NIPBL: variants seen among roughly 807,000 people sequenced by gnomAD.
The protein encoded by NIPBL is NIPBL cohesin loading factor, also known as nipped-B-like protein.
Under a neutral mutation model 321.8 loss-of-function variants are expected in NIPBL, and 19 were observed. The ratio of observed to expected loss-of-function variants is 0.06; its 90% CI spans 0.04 to 0.09. The LOEUF (loss-of-function observed/expected upper bound fraction) is 0.09, where lower values mean the gene tolerates loss of function less well. Among genes scored for constraint, NIPBL ranks in the 10% least tolerant of loss-of-function variants. The pLI, the probability that NIPBL is intolerant of heterozygous loss-of-function variation, is 1.00. For synonymous variants in NIPBL, 1,106 were observed against 1,114.1 expected, an observed-to-expected ratio of 0.99 and a Z score of 0.14; for missense variants, 2,210 against 3,327.0, an observed-to-expected ratio of 0.66 and a Z score of 8.26.
intron 6 of NIPBL, among the ~76,000 whole-genome samples, chr5:36,968,438 A>G (rs159749): frequency 0.57 from 86,112 of 151,792 alleles, 26,442 homozygotes; most frequent in African/African-American, 0.82. Context: ...GCGTAGTGGC[A>G]GGCGCCTGTA....
intron 2 of NIPBL, among the ~76,000 whole-genome samples, 185 bp from the exon 3 acceptor site, chr5:36,955,287 T>C (rs1185928694): frequency 6.6e-6 from 1 of 152,224 alleles, no homozygotes; most frequent in Non-Finnish European, 1.5e-5. Flanking sequence ...TAATCTATTA[T>C]GGTCCAAGTG....
At chr5:37,049,893 G>A (rs565962523) in intron 40 of NIPBL, among the ~76,000 whole-genome samples, 19 of 152,312 alleles carry the variant, frequency 1.2e-4, no homozygotes, top group Middle Eastern at 3.4e-3. Context: ...TATTAAGTAA[G>A]CAGAGTCTAT....
At chr5:37,033,121 TTATAA>T (rs1000204899) in intron 32 of NIPBL, among the ~76,000 whole-genome samples, 5 of 152,278 alleles carry the variant, frequency 3.3e-5, no homozygotes, top group African/African-American at 9.6e-5. Flanking sequence ...GAATGATTAC[TTATAA>T]TAAACAAGGA....
intron 1 of NIPBL, among the ~76,000 whole-genome samples, chr5:36,892,418 C>A (rs1335468977): frequency 1.3e-5 from 2 of 152,146 alleles, no homozygotes; most frequent in Non-Finnish European, 2.9e-5. Flanking sequence ...TACCATTTGA[C>A]CCAGCCATCC....
At position 37,055,821 on chromosome 5, in the gene NIPBL, C is replaced by CA. The variant is rs372443363; in HGVS notation, c.7264-1364dup. On this transcript the variant is annotated intron_variant, in intron 42 of 46. Coordinates refer to ENST00000282516, the MANE Select transcript of NIPBL (RefSeq NM_133433.4). Reference sequence around the variant, plus strand: ...AGGAGTTCCATACCAGCCTGGGCAACATAGTGAGACCCTATCTCTACAAAA... The same window carrying CA: ...AGGAGTTCCATACCAGCCTGGGCAACAATAGTGAGACCCTATCTCTACAAAA... 2.0e-3 allele frequency among the ~76,000 whole-genome samples: 307 copies of CA among 151,840 alleles called. 1 individual carries two copies. Among genetic ancestry groups the CA allele is most frequent in the African/African-American group, 7.0e-3 (291 of 41,404 alleles).
intron 9 of NIPBL, chr5:36,982,231 T>G: frequency 1.0e-6 from 1 of 980,216 alleles, no homozygotes; most frequent in Non-Finnish European, 1.2e-6. Flanking sequence ...AGGTAATCAC[T>G]GTCCTAAATA....
chr5:37,022,565 G>A (rs1484128472), intron 29 of NIPBL, among the ~76,000 whole-genome samples, 175 bp downstream of exon 29: 2 of 152,108 alleles, frequency 1.3e-5, no homozygotes, highest in Non-Finnish European at 2.9e-5. Context: ...AATAGCCCTT[G>A]CAATATCATA....
chr5:37,009,785 A>C (rs1226744144), intron 20 of NIPBL, among the ~76,000 whole-genome samples: 1 of 152,222 alleles, frequency 6.6e-6, no homozygotes, highest in Non-Finnish European at 1.5e-5. Context: ...ATCATTTTCA[A>C]AATCATTTTG....
chr5:36,908,427 A>G (rs1262273803), intron 1 of NIPBL, among the ~76,000 whole-genome samples: 4 of 152,108 alleles, frequency 2.6e-5, no homozygotes, highest in African/African-American at 7.2e-5. Flanking sequence ...GAATTTTCCT[A>G]AATTAGAAAC....
chr5:36,946,685 T>G (rs1200151352), intron 1 of NIPBL, among the ~76,000 whole-genome samples: 2 of 152,006 alleles, frequency 1.3e-5, no homozygotes, highest in South Asian at 2.1e-4. Flanking sequence ...TAGCTAAATA[T>G]TCCACATATA....
At chr5:37,009,181 T>C (rs1003641712) in intron 20 of NIPBL, among the ~76,000 whole-genome samples, 1 of 152,162 alleles carries the variant, frequency 6.6e-6, no homozygotes, top group East Asian at 1.9e-4. Flanking sequence ...GTTGGAAATA[T>C]GGCTCAAAAT....
chr5:36,952,057 C>CGT (rs1561070109), intron 1 of NIPBL, among the ~76,000 whole-genome samples: 4 of 74,660 alleles, frequency 5.4e-5, no homozygotes, highest in East Asian at 5.5e-4. Context: ...TGTGTGTGCG[C>CGT]GCGCGCGCGC....
intron 1 of NIPBL, among the ~76,000 whole-genome samples, chr5:36,901,500 CTTTTTTT>C (rs35178851): frequency 1.3e-5 from 1 of 77,452 alleles, no homozygotes; most frequent in African/African-American, 5.5e-5. Context: ...CTTCTAAGTC[CTTTTTTT>C]TTTTTTTTTT....
In NIPBL at chr5:37,065,272, C is replaced by G. The variant is rs968943011; in HGVS notation, c.*380C>G. The G allele has an allele frequency of 3.2e-5, 7 of 220,650 alleles. No individual in the cohort carries two copies. The highest frequency in any genetic ancestry group is 6.3e-5 in the Non-Finnish European group (7 of 110,382). The allele number at this position is 220,650 out of a possible 1,614,324, so 13.7% of individuals were successfully genotyped here. The stretch of plus-strand genomic sequence containing the variant: ...GGCTTTCTTTAGCTTAGCCCAGTTT[C>G]CAGGGAAGCATTGTTTTTTCCAGGC... On this transcript the variant is annotated 3_prime_UTR_variant, in exon 47 of 47. Transcript: ENST00000282516.
At chr5:37,024,332 T>C (rs1461414843) in intron 29 of NIPBL, among the ~76,000 whole-genome samples, 1 of 152,172 alleles carries the variant, frequency 6.6e-6, no homozygotes, top group Non-Finnish European at 1.5e-5. Context: ...GACAAGCGTA[T>C]ACTTCTAGTC....
intron 42 of NIPBL, among the ~76,000 whole-genome samples, chr5:37,055,613 G>A (rs1207764261): frequency 1.3e-5 from 2 of 152,052 alleles, no homozygotes; most frequent in African/African-American, 2.4e-5. Context: ...GTGGGTAATA[G>A]TCAGATGCTA....
intron 1 of NIPBL, among the ~76,000 whole-genome samples, chr5:36,936,287 A>G (rs964426070): frequency 3.9e-5 from 6 of 152,174 alleles, no homozygotes; most frequent in African/African-American, 1.2e-4. Context: ...ATATGATGAC[A>G]TTTGGTCAAC....
At chr5:36,878,737 A>C (rs1745283809) in intron 1 of NIPBL, among the ~76,000 whole-genome samples, 1 of 152,188 alleles carries the variant, frequency 6.6e-6, no homozygotes, top group Non-Finnish European at 1.5e-5. Flanking sequence ...AAAAGAATGA[A>C]GTTAATATAG....
chr5:37,051,294 C>T, intron 40 of NIPBL: 1 of 163,296 alleles, frequency 6.1e-6, no homozygotes, highest in Non-Finnish European at 1.3e-5. Flanking sequence ...TCTAGAAGTA[C>T]AGTGAATATG....
Sources: allele counts gnomAD v4.1 joint callset (sites outside exome capture counted in the v4.1 genomes callset), GRCh38; gene constraint gnomAD v4.1.1; transcripts MANE v1.5; gene names NCBI Gene and HGNC (gene_info 2026-07-23, HGNC 2026-07-21).